Variants in CDH13 observed in about 807,000 individuals in gnomAD.
CDH13 encodes cadherin 13.
In CDH13, 24 loss-of-function variants were observed where a neutral mutation model predicts 63.8. The ratio of observed to expected loss-of-function variants is 0.38; its 90% confidence interval spans 0.27 to 0.53. The LOEUF is 0.53. Among genes scored for constraint, CDH13 ranks in the 20% least tolerant of loss-of-function variants. The probability of loss-of-function intolerance (pLI) is 0.85; values close to 1 mark genes in which losing one functional copy is unlikely to be tolerated. For synonymous variants in CDH13, 503 were observed against 355.3 expected (o/e 1.42, Z -4.67); for missense variants, 1,049 against 903.1 (o/e 1.16, Z -2.07).
chr16:82,889,807 G>A (rs2041016516), intron 2 of CDH13, among the ~76,000 whole-genome samples: 1 of 152,150 alleles, frequency 6.6e-6, no homozygotes, highest in South Asian at 2.1e-4. Context: ...TTCAAAGAAA[G>A]AAAACAACTA....
intron 6 of CDH13, among the ~76,000 whole-genome samples, chr16:83,389,223 G>C (rs2091737354): frequency 6.6e-6 from 1 of 152,178 alleles, no homozygotes; most frequent in Admixed American, 6.5e-5. Flanking sequence ...ATTTTAAAAA[G>C]TCAGATATGC....
chr16:82,710,552 A>AAATATATATATATAT (rs60196638), intron 1 of CDH13, among the ~76,000 whole-genome samples: 17 of 63,762 alleles, frequency 2.7e-4, no homozygotes, highest in Admixed American at 8.0e-4. Flanking sequence ...AAAAAAAAAA[A>AAATATATATATATAT]ATATATATAT....
Position 83,014,830 on chromosome 16 carries a change from G to GTA in CDH13, c.158-17172_158-17171dup, listed in dbSNP as rs1401091196. Among the ~76,000 whole-genome samples, 151 of 95,238 alleles carry GTA rather than the reference G, an allele frequency of 1.6e-3. 3 individuals are homozygous for GTA. In the Middle Eastern group the frequency reaches 0.019, roughly 12 times the overall value. 62.5% of individuals were successfully genotyped at this position (95,238 alleles called of 152,430 possible). On this transcript the variant is annotated intron_variant, in intron 2 of 13. Transcript: ENST00000567109. ...TATATATATTTGTATATATATATTT[G>GTA]TATATATATTTGTATATATATATTT... is the stretch of plus-strand genomic sequence containing the variant.
intron 5 of CDH13, 139 bp from the exon 6 acceptor site, chr16:83,344,723 T>A (rs1178962383): frequency 2.7e-5 from 21 of 781,642 alleles, no homozygotes; most frequent in Non-Finnish European, 2.0e-6. Flanking sequence ...TCCCAGTGAC[T>A]ATCCTCTGAG....
At chr16:83,447,409 C>T (rs2072739388) in intron 6 of CDH13, among the ~76,000 whole-genome samples, 1 of 151,954 alleles carries the variant, frequency 6.6e-6, no homozygotes, top group East Asian at 1.9e-4. Context: ...GAGCTAGACT[C>T]CATCCCAAAA....
intron 3 of CDH13, among the ~76,000 whole-genome samples, chr16:83,104,691 T>C (rs572028798): frequency 1.3e-5 from 2 of 152,248 alleles, no homozygotes; most frequent in South Asian, 4.1e-4. Context: ...AGCCGAATAA[T>C]GTTGAATTTC....
At chr16:82,647,848 T>G (rs901022625) in intron 1 of CDH13, among the ~76,000 whole-genome samples, 1 of 152,176 alleles carries the variant, frequency 6.6e-6, no homozygotes, top group African/African-American at 2.4e-5. Flanking sequence ...TTTGGCTGTG[T>G]CCCTGCCCAA....
At chr16:82,820,257 A>T (rs1275741621) in intron 1 of CDH13, among the ~76,000 whole-genome samples, 1 of 152,240 alleles carries the variant, frequency 6.6e-6, no homozygotes, top group Non-Finnish European at 1.5e-5. Flanking sequence ...CCAAGCACAG[A>T]GACTGGCACA....
chr16:83,257,657 C>A (rs1405793576), intron 5 of CDH13, among the ~76,000 whole-genome samples: 1 of 152,164 alleles, frequency 6.6e-6, no homozygotes, highest in Non-Finnish European at 1.5e-5. Flanking sequence ...TTTTCTTTAT[C>A]GTGTCTACCA....
intron 3 of CDH13, among the ~76,000 whole-genome samples, chr16:83,089,739 C>G (rs896293370): frequency 6.6e-6 from 1 of 152,126 alleles, no homozygotes; most frequent in Admixed American, 6.5e-5. Flanking sequence ...GCTATAAGGG[C>G]TACACGTCGG....
intron 1 of CDH13, among the ~76,000 whole-genome samples, chr16:82,775,492 C>T (rs1408638295): frequency 2.0e-5 from 3 of 152,188 alleles, no homozygotes; most frequent in African/African-American, 7.2e-5. Context: ...CTAACATTTA[C>T]TGACACCTTG....
chr16:82,721,190 C>A (rs944349691), intron 1 of CDH13, among the ~76,000 whole-genome samples: 1 of 152,132 alleles, frequency 6.6e-6, no homozygotes, highest in Admixed American at 6.6e-5. Context: ...ACCTCAGTTT[C>A]TATCAAAAAG....
intron 5 of CDH13, among the ~76,000 whole-genome samples, chr16:83,307,964 C>T (rs555591083): frequency 3.3e-5 from 5 of 152,276 alleles, no homozygotes; most frequent in African/African-American, 9.6e-5. Flanking sequence ...TTGATGAGGA[C>T]ATTGCAGCAT....
At chr16:82,682,116 A>G (rs16958216) in intron 1 of CDH13, among the ~76,000 whole-genome samples, 11,535 of 152,316 alleles carry the variant, frequency 0.076, 662 homozygotes, top group East Asian at 0.27. Context: ...ATGAGAAGAC[A>G]CTGGCTTGTG....
At chr16:83,535,213 CA>C (rs2075160770) in intron 7 of CDH13, among the ~76,000 whole-genome samples, 1 of 152,348 alleles carries the variant, frequency 6.6e-6, no homozygotes, top group South Asian at 2.1e-4. Flanking sequence ...GGGCAAGAGG[CA>C]GCCTGGTATG....
intron 5 of CDH13, among the ~76,000 whole-genome samples, chr16:83,231,019 C>T (rs763747667): frequency 3.3e-5 from 5 of 152,218 alleles, no homozygotes; most frequent in African/African-American, 7.2e-5. Context: ...TCATCTTCCT[C>T]GGGCTCTGAC....
At chr16:83,379,214 A>G (rs2091512140) in intron 6 of CDH13, among the ~76,000 whole-genome samples, 1 of 152,176 alleles carries the variant, frequency 6.6e-6, no homozygotes, top group African/African-American at 2.4e-5. Flanking sequence ...CCAAAGTAAT[A>G]ACAACTGTAT....
chr16:83,343,049 G>A (rs1392882195), intron 5 of CDH13, among the ~76,000 whole-genome samples: 1 of 151,660 alleles, frequency 6.6e-6, no homozygotes, highest in African/African-American at 2.4e-5. Flanking sequence ...TCCTTTGTGT[G>A]CAGATATTAC....
At chr16:83,413,972 C>T (rs1383850967) in intron 6 of CDH13, among the ~76,000 whole-genome samples, 1 of 151,628 alleles carries the variant, frequency 6.6e-6, no homozygotes, top group East Asian at 1.9e-4. Context: ...CCAGCCTGGG[C>T]AATAGAGCGA....
Sources: allele counts gnomAD v4.1 joint callset (sites outside exome capture counted in the v4.1 genomes callset), GRCh38; gene constraint gnomAD v4.1.1; transcripts MANE v1.5; gene names NCBI Gene and HGNC (gene_info 2026-07-23, HGNC 2026-07-21).